The following FAM168A variants were observed in gnomAD, a reference collection of about 807,000 sequenced individuals.
FAM168A encodes the protein protein FAM168A.
Under a neutral mutation model 28.5 loss-of-function variants are expected in FAM168A, and 3 were observed. That is an observed-to-expected ratio of 0.11 (90% CI 0.05 to 0.27). The LOEUF is 0.27. FAM168A is among the 10% of genes least tolerant of loss of function. The probability of loss-of-function intolerance (pLI) is 1.00; values close to 1 mark genes in which losing one functional copy is unlikely to be tolerated. For synonymous variants in FAM168A, 122 were observed against 124.2 expected, an observed-to-expected ratio of 0.98 and a Z score of 0.12; for missense variants, 222 against 311.5, an observed-to-expected ratio of 0.71 and a Z score of 2.16.
rs187464143 is a variant in FAM168A, at chr11:73,521,515, C to T, written c.-18-53023G>A. On this transcript the variant is annotated intron_variant, in intron 1 of 7. Coordinates refer to ENST00000356467, the MANE Select transcript of FAM168A (RefSeq NM_015159.3). ...CTCTGCTCTTCTTTTTTGTTCATAT[C>T]TAGTTAGAACTTTTGCTCTGGTGGA... 4.0e-5 allele frequency among the ~76,000 whole-genome samples: 6 copies of T among 151,800 alleles called. No individual in the cohort carries two copies. In the East Asian group the frequency reaches 1.2e-3, roughly 29 times the overall value.
chr11:73,407,433 G>T, intron 7 of FAM168A, 80 bp downstream of exon 7: 3 of 954,890 alleles, frequency 3.1e-6, no homozygotes, highest in Non-Finnish European at 4.5e-6. Context: ...TGACACCTGT[G>T]CTCCAGACCC....
At chr11:73,539,395 G>A (rs1000717703) in intron 1 of FAM168A, among the ~76,000 whole-genome samples, 1 of 152,108 alleles carries the variant, frequency 6.6e-6, no homozygotes, top group Non-Finnish European at 1.5e-5. Context: ...TCAGCCTCCT[G>A]AGTAGCTGGG....
At chr11:73,450,140 G>A (rs759812608) in intron 2 of FAM168A, among the ~76,000 whole-genome samples, 4 of 152,202 alleles carry the variant, frequency 2.6e-5, no homozygotes, top group Admixed American at 2.0e-4. Flanking sequence ...CAGGGTTTAG[G>A]ACCACCCAAT....
At chr11:73,580,619 A>G (rs1003041853) in intron 1 of FAM168A, 4 of 462,540 alleles carry the variant, frequency 8.6e-6, no homozygotes, top group African/African-American at 8.1e-5. Flanking sequence ...ATTTTGTTTT[A>G]CTTTTTTAAG....
At chr11:73,527,622 C>T (rs12285337) in intron 1 of FAM168A, among the ~76,000 whole-genome samples, 4,521 of 152,120 alleles carry the variant, frequency 0.03, 222 homozygotes, top group African/African-American at 0.1. Context: ...TCATTATTAT[C>T]ATTATTCTCA....
chr11:73,596,951 C>T (rs1565313546), intron 1 of FAM168A, among the ~76,000 whole-genome samples: 1 of 152,166 alleles, frequency 6.6e-6, no homozygotes, highest in Non-Finnish European at 1.5e-5. Flanking sequence ...CATCCCCCAA[C>T]TTTGCTCACC....
intron 1 of FAM168A, among the ~76,000 whole-genome samples, chr11:73,534,864 G>A (rs1432869210): frequency 6.6e-6 from 1 of 152,146 alleles, no homozygotes; most frequent in Non-Finnish European, 1.5e-5. Flanking sequence ...AGGGTCTCCA[G>A]ACAAAGAAAT....
chr11:73,515,125 G>C (rs1304556264), intron 1 of FAM168A, among the ~76,000 whole-genome samples: 1 of 152,102 alleles, frequency 6.6e-6, no homozygotes, highest in Non-Finnish European at 1.5e-5. Context: ...GCTCCCTCTG[G>C]CCCATTTATA....
rs1346683304 is a variant in FAM168A at position 73,402,714 on chromosome 11, C to T, written c.*4049G>A. On this transcript the variant is annotated 3_prime_UTR_variant, in exon 8 of 8. Transcript: ENST00000356467. ...CATGGGTCTCCCAATAGAAAGATGCCTCGTGCTGTCCTTGAACATGTCTTC... is the reference window on the plus strand; with the variant it reads ...CATGGGTCTCCCAATAGAAAGATGCTTCGTGCTGTCCTTGAACATGTCTTC... The T allele has an allele frequency of 3.3e-5, 5 of 152,222 alleles. No homozygotes were observed. Among genetic ancestry groups the T allele is most frequent in the Non-Finnish European group, 2.9e-5 (2 of 68,048 alleles). 9.4% of individuals were successfully genotyped at this position (152,222 alleles called of 1,614,324 possible).
At chr11:73,544,872 T>TATATAAAATATAAA in intron 1 of FAM168A, among the ~76,000 whole-genome samples, 4 of 97,512 alleles carry the variant, frequency 4.1e-5, no homozygotes, top group African/African-American at 1.9e-4. Flanking sequence ...TATATAATTA[T>TATATAAAATATAAA]ATATATTATA....
chr11:73,490,964 G>A (rs568351997), intron 1 of FAM168A, among the ~76,000 whole-genome samples: 29 of 152,204 alleles, frequency 1.9e-4, no homozygotes, highest in Admixed American at 1.7e-3. Context: ...ACACTTTTGA[G>A]GGAATAATTT....
intron 2 of FAM168A, chr11:73,452,331 TCA>T (rs1447305517): frequency 1.3e-5 from 2 of 152,416 alleles, no homozygotes; most frequent in African/African-American, 4.8e-5. Flanking sequence ...AGTTATCCTG[TCA>T]ACCCAAGTTA....
intron 1 of FAM168A, among the ~76,000 whole-genome samples, chr11:73,526,201 A>T (rs999953488): frequency 6.6e-6 from 1 of 152,230 alleles, no homozygotes; most frequent in Non-Finnish European, 1.5e-5. Flanking sequence ...ATGTATAATA[A>T]ATGACACAAA....
chr11:73,463,728 A>T (rs1867688390), intron 2 of FAM168A, among the ~76,000 whole-genome samples: 1 of 152,206 alleles, frequency 6.6e-6, no homozygotes, highest in Admixed American at 6.5e-5. Context: ...ACAAAAATAA[A>T]CAATTATGGT....
At chr11:73,536,602 G>A (rs569945406) in intron 1 of FAM168A, among the ~76,000 whole-genome samples, 1 of 152,170 alleles carries the variant, frequency 6.6e-6, no homozygotes, top group South Asian at 2.1e-4. Context: ...CAGGAGAATC[G>A]CTTGAACCCA....
chr11:73,476,489 A>C (rs1358485085), intron 1 of FAM168A, among the ~76,000 whole-genome samples: 1 of 152,136 alleles, frequency 6.6e-6, no homozygotes, highest in African/African-American at 2.4e-5. Context: ...ATCCGAATCA[A>C]GAATTGCTAC....
chr11:73,438,563 G>A (rs1207724374), intron 2 of FAM168A, among the ~76,000 whole-genome samples: 1 of 152,144 alleles, frequency 6.6e-6, no homozygotes, highest in Non-Finnish European at 1.5e-5. Context: ...AAGGTAGACT[G>A]GGGGACAGGC....
chr11:73,483,380 G>A (rs546237323), intron 1 of FAM168A, among the ~76,000 whole-genome samples: 4 of 152,246 alleles, frequency 2.6e-5, no homozygotes, highest in Non-Finnish European at 1.5e-5. Flanking sequence ...ATTTCACCTT[G>A]AGGCTATCTG....
rs535970390 is a variant in FAM168A at position 73,444,401 on chromosome 11, G to C, written c.71-13631C>G. 2.1e-3 allele frequency among the ~76,000 whole-genome samples: 321 copies of C among 152,278 alleles called. 1 individual carries two copies. The highest frequency in any genetic ancestry group is 7.4e-3 in the African/African-American group (308 of 41,548). On this transcript the variant is annotated intron_variant, in intron 2 of 7. Transcript: ENST00000356467. Reference sequence around the variant, plus strand: ...CCTCAACTCTCACATGGCTCCAGCTGGTTAGGCCTATTATTGTTTGACCAA... The same window carrying C: ...CCTCAACTCTCACATGGCTCCAGCTCGTTAGGCCTATTATTGTTTGACCAA...
Sources: allele counts gnomAD v4.1 joint callset (sites outside exome capture counted in the v4.1 genomes callset), GRCh38; gene constraint gnomAD v4.1.1; transcripts MANE v1.5; gene names NCBI Gene and HGNC (gene_info 2026-07-23, HGNC 2026-07-21).